The following PTK7 variants were observed in gnomAD, a reference collection of about 807,000 sequenced individuals.
The protein encoded by PTK7 is protein tyrosine kinase 7 (inactive).
In PTK7, 39 loss-of-function variants were observed where a neutral mutation model predicts 116.6. That is an observed-to-expected ratio of 0.33 (90% CI 0.26 to 0.44). The LOEUF (loss-of-function observed/expected upper bound fraction) is 0.44, where lower values mean the gene tolerates loss of function less well. PTK7 is among the 20% of genes least tolerant of loss of function. PTK7 has a pLI of 1.00. For synonymous variants in PTK7, 546 were observed against 563.6 expected (o/e 0.97, Z 0.44); for missense variants, 1,169 against 1,425.6 (o/e 0.82, Z 2.90).
intron 17 of PTK7, among the ~76,000 whole-genome samples, chr6:43,156,850 T>A (rs192626163): frequency 2.0e-4 from 30 of 151,550 alleles, no homozygotes; most frequent in African/African-American, 6.8e-4. Context: ...TGAGCCGAGA[T>A]CGCACCACTG....
intron 17 of PTK7, among the ~76,000 whole-genome samples, chr6:43,151,326 C>T (rs1477366202): frequency 2.6e-5 from 4 of 151,280 alleles, no homozygotes; most frequent in African/African-American, 9.7e-5. Flanking sequence ...ATTCTCCTGC[C>T]TCAGCCTCCC....
intron 6 of PTK7, 49 bp from the exon 7 acceptor site, chr6:43,132,372 C>T: frequency 6.5e-7 from 1 of 1,538,418 alleles, no homozygotes; most frequent in Non-Finnish European, 8.8e-7. Context: ...CATCATGTAC[C>T]CTGAGACCCA....
chr6:43,088,113 C>G (rs1211772599), intron 1 of PTK7, among the ~76,000 whole-genome samples: 2 of 151,868 alleles, frequency 1.3e-5, no homozygotes. Flanking sequence ...GCCTGGGGAA[C>G]ATAGCGAGAC....
At chr6:43,105,158 A>AT (rs1269239243) in intron 1 of PTK7, among the ~76,000 whole-genome samples, 1 of 150,848 alleles carries the variant, frequency 6.6e-6, no homozygotes, top group African/African-American at 2.4e-5. Context: ...GCTGGATGTC[A>AT]TTTATCAAAA....
chr6:43,127,586 T>G (rs1769370171), intron 1 of PTK7, among the ~76,000 whole-genome samples: 1 of 152,198 alleles, frequency 6.6e-6, no homozygotes, highest in South Asian at 2.1e-4. Flanking sequence ...GGCTCTCCTC[T>G]TAACACAGAG....
chr6:43,138,938 A>G lies in PTK7; in HGVS notation c.1318A>G (p.Lys440Glu), dbSNP rs1770212247. The change falls in exon 8 of 20, where the codon AAA (lysine) becomes GAA (glutamate). Residue 440 changes from lysine (K) to glutamate (E), a missense_variant. This residue lies in a region of PTK7 where 678 missense variants were observed against 853.8 expected (regional missense o/e 0.79). Coordinates refer to ENST00000230419, the MANE Select transcript of PTK7 (RefSeq NM_002821.5). ...YLDCLTQATP[K>E]PTVVWYRNQM... is the part of the protein sequence containing the mutation. ...GGATTGCCTGACCCAGGCCACACCAAAACCTACAGTTGTCTGGTACAGAAA... is the reference window on the plus strand; with the variant it reads ...GGATTGCCTGACCCAGGCCACACCAGAACCTACAGTTGTCTGGTACAGAAA... 1 of 1,614,052 alleles carries G rather than the reference A, an allele frequency of 6.2e-7. No homozygotes were observed. The highest frequency in any genetic ancestry group is 1.3e-5 in the African/African-American group (1 of 74,950).
At chr6:43,127,360 G>T (rs959124011) in intron 1 of PTK7, among the ~76,000 whole-genome samples, 1 of 152,226 alleles carries the variant, frequency 6.6e-6, no homozygotes. Context: ...AAAGTCCAGT[G>T]TGTTGCTCCT....
chr6:43,122,953 CAT>C (rs991378622), intron 1 of PTK7, among the ~76,000 whole-genome samples: 4 of 151,934 alleles, frequency 2.6e-5, no homozygotes, highest in Admixed American at 6.6e-5. Flanking sequence ...GTGTCAGACA[CAT>C]ATGTGTGGCT....
At chr6:43,136,112 C>T (rs996260740) in intron 7 of PTK7, among the ~76,000 whole-genome samples, 4 of 151,958 alleles carry the variant, frequency 2.6e-5, no homozygotes, top group African/African-American at 4.8e-5. Flanking sequence ...GCCGAGATTG[C>T]GCCACTGCAC....
At chr6:43,107,506 G>C (rs1238537027) in intron 1 of PTK7, among the ~76,000 whole-genome samples, 2 of 152,160 alleles carry the variant, frequency 1.3e-5, no homozygotes, top group Non-Finnish European at 2.9e-5. Flanking sequence ...AGTTAATATG[G>C]TTAAATGTTT....
chr6:43,083,660 C>T (rs1309928894), intron 1 of PTK7, among the ~76,000 whole-genome samples: 1 of 152,200 alleles, frequency 6.6e-6, no homozygotes, highest in Admixed American at 6.5e-5. Flanking sequence ...AGGCGCCTTT[C>T]CCCTCTCGCA....
At chr6:43,100,537 G>A (rs974848707) in intron 1 of PTK7, among the ~76,000 whole-genome samples, 1 of 117,988 alleles carries the variant, frequency 8.5e-6, no homozygotes, top group African/African-American at 3.9e-5. Context: ...GATTTTATAT[G>A]CATTTTTGTC....
At chr6:43,127,023 G>A (rs914078655) in intron 1 of PTK7, among the ~76,000 whole-genome samples, 1 of 152,194 alleles carries the variant, frequency 6.6e-6, no homozygotes, top group African/African-American at 2.4e-5. Context: ...GACCCAGCCT[G>A]GGGGATCCTG....
chr6:43,151,541 T>G (rs556107953), intron 17 of PTK7, among the ~76,000 whole-genome samples: 27 of 142,300 alleles, frequency 1.9e-4, no homozygotes, highest in East Asian at 1.4e-3. Context: ...TTTGTTTTTT[T>G]TTTTTTTCGG....
At chr6:43,150,919 T>C (rs1203180612) in intron 17 of PTK7, among the ~76,000 whole-genome samples, 2 of 149,026 alleles carry the variant, frequency 1.3e-5, no homozygotes, top group African/African-American at 2.5e-5. Context: ...GGGATCGCTC[T>C]TCAAGCGATT....
At chr6:43,092,966 C>T (rs1266896973) in intron 1 of PTK7, among the ~76,000 whole-genome samples, 7 of 152,106 alleles carry the variant, frequency 4.6e-5, no homozygotes, top group Non-Finnish European at 1.0e-4. Flanking sequence ...AACCTGTTTT[C>T]CTTTTAGTCT....
chr6:43,146,528 G>T, intron 16 of PTK7, 90 bp from the exon 17 acceptor site: 3 of 1,262,158 alleles, frequency 2.4e-6, no homozygotes, highest in Non-Finnish European at 2.3e-6. Flanking sequence ...GCCTCCCCAG[G>T]CAGGAATTCT....
intron 1 of PTK7, among the ~76,000 whole-genome samples, chr6:43,102,423 T>C (rs1485762679): frequency 2.0e-5 from 3 of 151,180 alleles, no homozygotes; most frequent in Non-Finnish European, 2.9e-5. Flanking sequence ...AGACTCTGTC[T>C]CAAAGAAAAA....
chr6:43,097,164 A>G (rs1308719937), intron 1 of PTK7, among the ~76,000 whole-genome samples: 1 of 152,052 alleles, frequency 6.6e-6, no homozygotes, highest in African/African-American at 2.4e-5. Context: ...CTCTCCAGGG[A>G]CCTTGCTGAG....
Sources: allele counts gnomAD v4.1 joint callset (sites outside exome capture counted in the v4.1 genomes callset), GRCh38; gene constraint gnomAD v4.1.1; regional missense constraint gnomAD v4.1.1; transcripts MANE v1.5; gene names NCBI Gene and HGNC (gene_info 2026-07-23, HGNC 2026-07-21).